The following ARHGAP15 variants were observed in gnomAD, a reference collection of about 807,000 sequenced individuals.
ARHGAP15 encodes Rho GTPase activating protein 15.
Under a neutral mutation model 63.7 loss-of-function variants are expected in ARHGAP15, and 51 were observed. The ratio of observed to expected loss-of-function variants is 0.80; its 90% CI spans 0.64 to 1.01. The LOEUF (loss-of-function observed/expected upper bound fraction) is 1.01, where lower values mean the gene tolerates loss of function less well. Among genes scored for constraint, ARHGAP15 ranks in the 50% least tolerant of loss-of-function variants. ARHGAP15 has a pLI of 0.00. For synonymous variants in ARHGAP15, 191 were observed against 193.8 expected, an observed-to-expected ratio of 0.99 and a Z score of 0.12; for missense variants, 560 against 564.6, an observed-to-expected ratio of 0.99 and a Z score of 0.08.
intron 11 of ARHGAP15, among the ~76,000 whole-genome samples, chr2:143,581,718 A>G (rs926288134): frequency 6.6e-6 from 1 of 152,168 alleles, no homozygotes; most frequent in Non-Finnish European, 1.5e-5. Flanking sequence ...TGTAGGTTAT[A>G]CTTGGAATTA....
chr2:143,287,351 A>G (rs1000561433), intron 6 of ARHGAP15, among the ~76,000 whole-genome samples: 26 of 152,078 alleles, frequency 1.7e-4, no homozygotes, highest in African/African-American at 6.0e-4. Context: ...CTCAAAATCC[A>G]TCTTGTCTTC....
chr2:143,583,007 T>C (rs923693636), intron 11 of ARHGAP15, among the ~76,000 whole-genome samples: 4 of 151,702 alleles, frequency 2.6e-5, no homozygotes, highest in African/African-American at 7.3e-5. Flanking sequence ...GGAAGAAGTG[T>C]GGAAAGGGAG....
intron 8 of ARHGAP15, among the ~76,000 whole-genome samples, chr2:143,466,305 C>A (rs1381787882): frequency 6.6e-6 from 1 of 151,544 alleles, no homozygotes; most frequent in East Asian, 2.0e-4. Context: ...TTTCCATATC[C>A]ATTTTTTTAA....
At chr2:143,238,739 C>A (rs1693750202) in intron 5 of ARHGAP15, among the ~76,000 whole-genome samples, 1 of 152,228 alleles carries the variant, frequency 6.6e-6, no homozygotes, top group African/African-American at 2.4e-5. Flanking sequence ...AAGACACATG[C>A]ACGTGTATGT....
intron 12 of ARHGAP15, among the ~76,000 whole-genome samples, chr2:143,663,735 T>C (rs891296689): frequency 8.0e-5 from 12 of 149,952 alleles, no homozygotes; most frequent in African/African-American, 2.9e-4. Context: ...ACCAAGCAAA[T>C]GGAAAACAAA....
At chr2:143,454,215 G>A (rs1035679863) in intron 8 of ARHGAP15, among the ~76,000 whole-genome samples, 4 of 151,892 alleles carry the variant, frequency 2.6e-5, no homozygotes, top group African/African-American at 9.7e-5. Flanking sequence ...GGTATTTATG[G>A]GCTTGTCAAG....
At chr2:143,503,622 C>A (rs948610051) in intron 9 of ARHGAP15, among the ~76,000 whole-genome samples, 3 of 152,372 alleles carry the variant, frequency 2.0e-5, no homozygotes, top group Non-Finnish European at 4.4e-5. Context: ...CTTCACCTGA[C>A]TGCAGAGAAC....
intron 6 of ARHGAP15, among the ~76,000 whole-genome samples, chr2:143,370,495 T>C (rs1431926069): frequency 7.0e-6 from 1 of 143,756 alleles, no homozygotes; most frequent in Non-Finnish European, 1.5e-5. Context: ...ACTTAAAGTA[T>C]AATAATAAAA....
intron 12 of ARHGAP15, among the ~76,000 whole-genome samples, chr2:143,674,127 C>A (rs189731565): frequency 6.6e-6 from 1 of 151,958 alleles, no homozygotes; most frequent in East Asian, 2.0e-4. Context: ...AATCCATGAC[C>A]CCAAAATCCT....
intron 8 of ARHGAP15, among the ~76,000 whole-genome samples, chr2:143,478,623 C>T (rs547444388): frequency 7.2e-5 from 11 of 152,090 alleles, no homozygotes; most frequent in Admixed American, 2.0e-4. Flanking sequence ...TGGAACCTAC[C>T]ATATTGATAA....
chr2:143,481,228 C>T lies in ARHGAP15; in HGVS notation c.704-6145C>T, dbSNP rs140013808. Among the ~76,000 whole-genome samples, 35 of 152,136 alleles carry T rather than the reference C, an allele frequency of 2.3e-4. 1 individual carries two copies. In the East Asian group the frequency reaches 6.8e-3, roughly 29 times the overall value. Reference sequence around the variant, plus strand: ...AATTGAATTGAAATGTTTAGAGCTCCTAGCTGCTAACAAAACTATCTACCT... The same window carrying T: ...AATTGAATTGAAATGTTTAGAGCTCTTAGCTGCTAACAAAACTATCTACCT... On this transcript the variant is annotated intron_variant, in intron 8 of 13. Coordinates refer to ENST00000295095, the MANE Select transcript of ARHGAP15 (RefSeq NM_018460.4).
chr2:143,689,738 G>GAAT (rs1280890050), intron 12 of ARHGAP15, among the ~76,000 whole-genome samples: 2 of 152,138 alleles, frequency 1.3e-5, no homozygotes, highest in African/African-American at 4.8e-5. Context: ...TAAAGCATTA[G>GAAT]AATTCCAAGA....
intron 8 of ARHGAP15, among the ~76,000 whole-genome samples, chr2:143,472,573 C>T (rs1691628877): frequency 6.6e-6 from 1 of 151,932 alleles, no homozygotes; most frequent in African/African-American, 2.4e-5. Flanking sequence ...TTATTCATAT[C>T]CTCTTTCTGT....
rs544380353 is a variant in ARHGAP15, at chr2:143,441,984, C to G, written c.703+4942C>G. 1.3e-4 allele frequency among the ~76,000 whole-genome samples: 20 copies of G among 152,166 alleles called. 1 individual carries two copies. The highest frequency in any genetic ancestry group is 4.6e-4 in the African/African-American group (19 of 41,530). ...TGTGCATTTCCCAGTTCCATATCCC[C>G]TTAATGATGTGTGCAATAAGACAAC... On this transcript the variant is annotated intron_variant, in intron 8 of 13. Transcript: ENST00000295095.
chr2:143,294,003 T>TG (rs1682523436), intron 6 of ARHGAP15, among the ~76,000 whole-genome samples: 1 of 152,066 alleles, frequency 6.6e-6, no homozygotes, highest in Non-Finnish European at 1.5e-5. Context: ...AATGGTAAAT[T>TG]AGTCTTAGTC....
chr2:143,290,190 AG>A (rs1330843104), intron 6 of ARHGAP15, among the ~76,000 whole-genome samples: 4 of 152,268 alleles, frequency 2.6e-5, no homozygotes, highest in African/African-American at 4.8e-5. Context: ...GATCAGGAGA[AG>A]GGTAGAGTAA....
At chr2:143,330,408 G>A (rs548322905) in intron 6 of ARHGAP15, among the ~76,000 whole-genome samples, 1 of 152,010 alleles carries the variant, frequency 6.6e-6, no homozygotes, top group East Asian at 1.9e-4. Context: ...TTTCTCAAGT[G>A]GCACTGTATA....
chr2:143,560,554 T>C (rs1054034963), intron 11 of ARHGAP15, among the ~76,000 whole-genome samples: 1 of 152,222 alleles, frequency 6.6e-6, no homozygotes, highest in African/African-American at 2.4e-5. Flanking sequence ...TTCCAATTCA[T>C]CAGCTGTTGA....
chr2:143,702,196 G>T (rs1329473921), intron 12 of ARHGAP15, among the ~76,000 whole-genome samples: 3 of 152,178 alleles, frequency 2.0e-5, no homozygotes, highest in African/African-American at 4.8e-5. Context: ...AAAGGAAAGT[G>T]CATGAGGTGT....
Sources: gnomAD v4.1 joint callset for allele counts (sites outside exome capture counted in the v4.1 genomes callset) on GRCh38, gnomAD v4.1.1 for gene constraint, MANE v1.5 for transcripts, NCBI Gene and HGNC (gene_info 2026-07-23, HGNC 2026-07-21) for gene names.